RORA: variants seen among roughly 807,000 people sequenced by gnomAD.
RORA encodes nuclear receptor ROR-alpha.
Under a neutral mutation model 69.5 loss-of-function variants are expected in RORA, and 7 were observed. The observed-to-expected ratio is 0.10, with a 90% CI of 0.06 to 0.19. The LOEUF (loss-of-function observed/expected upper bound fraction) is 0.19. Ranked by LOEUF, RORA falls within the 10% of genes least tolerant of loss-of-function variation. RORA has a pLI of 1.00. For missense variants in RORA, 457 were observed against 663.0 expected (o/e 0.69, Z 3.41); for synonymous variants, 261 against 240.8 (o/e 1.08, Z -0.78).
intron 3 of RORA, among the ~76,000 whole-genome samples, chr15:60,516,107 A>ATATTTAT (rs1305118644): frequency 1.6e-5 from 1 of 61,478 alleles, no homozygotes; most frequent in Non-Finnish European, 3.1e-5. Flanking sequence ...ATATTTATAT[A>ATATTTAT]TTATATTATA....
intron 1 of RORA, among the ~76,000 whole-genome samples, chr15:61,095,436 G>A (rs1205751907): frequency 1.3e-5 from 2 of 152,160 alleles, no homozygotes; most frequent in Admixed American, 6.5e-5. Context: ...AATTGTAAAG[G>A]AAGTTACATA....
At chr15:60,755,519 C>T (rs1312193698) in intron 1 of RORA, among the ~76,000 whole-genome samples, 1 of 152,064 alleles carries the variant, frequency 6.6e-6, no homozygotes, top group African/African-American at 2.4e-5. Context: ...ATGGCTGGGT[C>T]AAATGGTATT....
intron 1 of RORA, among the ~76,000 whole-genome samples, chr15:61,122,539 T>C (rs932897733): frequency 1.5e-4 from 23 of 152,358 alleles, no homozygotes; most frequent in African/African-American, 5.0e-4. Context: ...ACATTTTATA[T>C]ATGGCTGTAT....
At chr15:61,110,934 G>A (rs2079001172) in intron 1 of RORA, among the ~76,000 whole-genome samples, 1 of 152,208 alleles carries the variant, frequency 6.6e-6, no homozygotes, top group Non-Finnish European at 1.5e-5. Flanking sequence ...AGCTACATGT[G>A]TGGAGTTGTT....
chr15:60,793,538 C>T (rs1340679676), intron 1 of RORA, among the ~76,000 whole-genome samples: 1 of 118,286 alleles, frequency 8.5e-6, no homozygotes, highest in Non-Finnish European at 2.0e-5. Flanking sequence ...ATGCTGGATG[C>T]CAGTTTCTTA....
At chr15:60,777,822 C>G (rs947539165) in intron 1 of RORA, among the ~76,000 whole-genome samples, 1 of 152,108 alleles carries the variant, frequency 6.6e-6, no homozygotes, top group Admixed American at 6.5e-5. Context: ...AGTCGAGGAG[C>G]GTATTGAACT....
chr15:61,024,918 C>A (rs896212469), intron 1 of RORA, among the ~76,000 whole-genome samples: 1 of 152,180 alleles, frequency 6.6e-6, no homozygotes, highest in African/African-American at 2.4e-5. Context: ...CCTTTCCGCA[C>A]TTGATGTTAG....
At chr15:61,152,960 G>A (rs2079410427) in intron 1 of RORA, among the ~76,000 whole-genome samples, 1 of 152,130 alleles carries the variant, frequency 6.6e-6, no homozygotes, top group South Asian at 2.1e-4. Context: ...TGGACAGAGG[G>A]GTGATCAATG....
chr15:60,574,426 G>A (rs2067968761), intron 2 of RORA, among the ~76,000 whole-genome samples: 1 of 152,186 alleles, frequency 6.6e-6, no homozygotes, highest in Non-Finnish European at 1.5e-5. Flanking sequence ...TTTCATGCAA[G>A]TTCTTCTTCC....
At position 61,226,837 on chromosome 15, in the gene RORA, G is replaced by A. The variant is rs1451636961; in HGVS notation, c.166+2216C>T. Among the ~76,000 whole-genome samples the A allele has an allele frequency of 2.0e-5, 3 of 152,180 alleles. No homozygotes were observed. Among genetic ancestry groups the A allele is most frequent in the East Asian group, 3.9e-4 (2 of 5,168 alleles). On this transcript the variant is annotated intron_variant, in intron 1 of 10. Coordinates refer to ENST00000335670, the MANE Select transcript of RORA (RefSeq NM_134261.3). This position sits in a 1 kb window ranked among gnomAD's most constrained non-coding sequence, Gnocchi z 4.2. Reference sequence around the variant, plus strand: ...CCCCCTCCCATTAAATCTTCCAGGAGGGACAGACAGGGGCTGGTTCAAAGA... The same window carrying A: ...CCCCCTCCCATTAAATCTTCCAGGAAGGACAGACAGGGGCTGGTTCAAAGA...
At chr15:60,515,122 T>C (rs1270494189) in intron 3 of RORA, among the ~76,000 whole-genome samples, 1 of 152,204 alleles carries the variant, frequency 6.6e-6, no homozygotes, top group East Asian at 1.9e-4. Context: ...AGAGATTGTT[T>C]GTAAAATAAA....
intron 2 of RORA, among the ~76,000 whole-genome samples, chr15:60,575,504 A>G (rs2067999585): frequency 6.6e-6 from 1 of 152,232 alleles, no homozygotes. Flanking sequence ...AGTCGAGTCT[A>G]GAGAATATTT....
At chr15:60,604,576 T>C (rs1291019773) in intron 2 of RORA, among the ~76,000 whole-genome samples, 1 of 152,218 alleles carries the variant, frequency 6.6e-6, no homozygotes, top group South Asian at 2.1e-4. Flanking sequence ...TCAGGAAACA[T>C]ACCTGTCTTA....
intron 2 of RORA, among the ~76,000 whole-genome samples, chr15:60,611,702 C>G (rs1430755598): frequency 3.3e-5 from 5 of 151,018 alleles, no homozygotes; most frequent in Non-Finnish European, 7.4e-5. Flanking sequence ...GCCATAGACA[C>G]AAGCTGCTTT....
intron 2 of RORA, among the ~76,000 whole-genome samples, chr15:60,607,673 C>T (rs1355478193): frequency 1.3e-5 from 2 of 152,186 alleles, no homozygotes; most frequent in African/African-American, 4.8e-5. Flanking sequence ...CCCTTTCCCC[C>T]TATTTAAAGC....
intron 1 of RORA, among the ~76,000 whole-genome samples, chr15:61,090,070 C>T (rs2078683152): frequency 6.6e-6 from 1 of 152,210 alleles, no homozygotes; most frequent in South Asian, 2.1e-4. Context: ...AAGACTTTTC[C>T]TTCAGAGACA....
intron 1 of RORA, among the ~76,000 whole-genome samples, chr15:60,959,852 T>C (rs1228815488): frequency 6.6e-6 from 1 of 152,190 alleles, no homozygotes; most frequent in African/African-American, 2.4e-5. Flanking sequence ...AGGTTTATGG[T>C]AGAGACATAT....
intron 1 of RORA, among the ~76,000 whole-genome samples, chr15:60,946,822 G>C (rs991079576): frequency 1.3e-5 from 2 of 151,930 alleles, no homozygotes; most frequent in Non-Finnish European, 2.9e-5. Flanking sequence ...TAGGAAGTGA[G>C]GAGCGTCTCT....
At chr15:60,705,822 C>T (rs989192584) in intron 1 of RORA, among the ~76,000 whole-genome samples, 1 of 152,042 alleles carries the variant, frequency 6.6e-6, no homozygotes, top group African/African-American at 2.4e-5. Flanking sequence ...GCTTAATGAT[C>T]CTACAAGGAG....
Sources: allele counts gnomAD v4.1 joint callset (sites outside exome capture counted in the v4.1 genomes callset), GRCh38; gene constraint gnomAD v4.1.1; non-coding constraint Gnocchi (gnomAD v3.1); transcripts MANE v1.5; gene names NCBI Gene and HGNC (gene_info 2026-07-23, HGNC 2026-07-21).